The following MACROD2 variants were observed in gnomAD, a reference collection of about 807,000 sequenced individuals.
MACROD2 encodes mono-ADP ribosylhydrolase 2.
MACROD2 carries 36 observed loss-of-function variants against 70.4 expected under a neutral mutation model. That is an observed-to-expected ratio of 0.51 (90% CI 0.39 to 0.68). MACROD2 has a LOEUF of 0.68. MACROD2 is among the 30% of genes least tolerant of loss of function. The probability of loss-of-function intolerance (pLI) is 0.00; values close to 1 mark genes in which losing one functional copy is unlikely to be tolerated. For synonymous variants in MACROD2, 172 were observed against 178.8 expected (o/e 0.96, Z 0.30); for missense variants, 496 against 538.4 (o/e 0.92, Z 0.78).
At chr20:15,952,762 A>G (rs1355939037) in intron 12 of MACROD2, among the ~76,000 whole-genome samples, 1 of 152,064 alleles carries the variant, frequency 6.6e-6, no homozygotes, top group Non-Finnish European at 1.5e-5. Context: ...TCTTCCAGAG[A>G]TGGATGATAT....
rs77207644 is a variant in MACROD2 at position 15,946,647 on chromosome 20, T to C, written c.907+9103T>C. 2.2e-4 allele frequency among the ~76,000 whole-genome samples: 34 copies of C among 152,348 alleles called. No homozygotes were observed. The East Asian group carries it at 4.8e-3, about 22-fold the overall frequency. On this transcript the variant is annotated intron_variant, in intron 12 of 17. Coordinates refer to ENST00000684519, the MANE Select transcript of MACROD2 (RefSeq NM_001351661.2). Reference sequence around the variant, plus strand: ...AGGTACAAAATCTCATTCATTTTTATGTTCTCCACAAAGCTCAATGCAGGG... The same window carrying C: ...AGGTACAAAATCTCATTCATTTTTACGTTCTCCACAAAGCTCAATGCAGGG...
chr20:15,168,958 A>G (rs1320374025), intron 5 of MACROD2, among the ~76,000 whole-genome samples: 1 of 152,194 alleles, frequency 6.6e-6, no homozygotes, highest in East Asian at 1.9e-4. Flanking sequence ...GAGTAGTCAA[A>G]TTAATAGAGG....
intron 6 of MACROD2, among the ~76,000 whole-genome samples, chr20:15,272,637 C>T (rs1197133014): frequency 6.6e-6 from 1 of 151,998 alleles, no homozygotes; most frequent in Non-Finnish European, 1.5e-5. Context: ...ACGCATGTAC[C>T]ATTTACATTT....
chr20:15,945,706 CATCA>C (rs1198540773), intron 12 of MACROD2, among the ~76,000 whole-genome samples: 7 of 152,134 alleles, frequency 4.6e-5, no homozygotes, highest in Non-Finnish European at 7.4e-5. Context: ...TTTAAAAAGT[CATCA>C]GTGTTATTAT....
intron 5 of MACROD2, among the ~76,000 whole-genome samples, chr20:14,764,109 C>G (rs746874714): frequency 6.6e-6 from 1 of 152,050 alleles, no homozygotes; most frequent in Non-Finnish European, 1.5e-5. Context: ...ACCCGACTCC[C>G]TTGCCATTTC....
rs553170240 is a variant in MACROD2, at chr20:15,482,390, T to C, written c.572-17384T>C. Reference sequence around the variant, plus strand: ...AAATTAAAACAACAGAAAGATACCCTTACACACCTATTAGAATGGCCAAAA... The same window carrying C: ...AAATTAAAACAACAGAAAGATACCCCTACACACCTATTAGAATGGCCAAAA... On this transcript the variant is annotated intron_variant, in intron 7 of 17. Transcript: ENST00000684519. Among the ~76,000 whole-genome samples, 5 of 152,242 alleles carry C rather than the reference T, an allele frequency of 3.3e-5. No individual in the cohort carries two copies. In the South Asian group the frequency reaches 1.0e-3, roughly 32 times the overall value.
At chr20:15,574,747 C>T (rs1242705158) in intron 8 of MACROD2, among the ~76,000 whole-genome samples, 2 of 152,150 alleles carry the variant, frequency 1.3e-5, no homozygotes, top group African/African-American at 4.8e-5. Flanking sequence ...TTCAAGGGTC[C>T]ATTCTCAGTA....
intron 5 of MACROD2, among the ~76,000 whole-genome samples, chr20:15,183,408 A>T (rs890727308): frequency 2.6e-5 from 4 of 151,966 alleles, no homozygotes; most frequent in Non-Finnish European, 5.9e-5. Context: ...GCATGGTGGC[A>T]TGCACCTGTA....
chr20:15,833,236 A>G (rs571146857), intron 8 of MACROD2, among the ~76,000 whole-genome samples: 2 of 152,298 alleles, frequency 1.3e-5, no homozygotes, highest in East Asian at 3.9e-4. Flanking sequence ...GAACCCTCAA[A>G]TGAGAATAAT....
chr20:16,009,344 C>T (rs1040758975), intron 15 of MACROD2, among the ~76,000 whole-genome samples: 14 of 152,192 alleles, frequency 9.2e-5, no homozygotes, highest in African/African-American at 2.9e-4. Context: ...TACCCCTACC[C>T]CTCAGCTTAA....
chr20:15,047,442 T>C (rs1476096301), intron 5 of MACROD2, among the ~76,000 whole-genome samples: 2 of 152,162 alleles, frequency 1.3e-5, no homozygotes, highest in African/African-American at 4.8e-5. Context: ...AGGACACTTA[T>C]GGAATTATAT....
At chr20:15,812,508 A>G (rs1379460920) in intron 8 of MACROD2, among the ~76,000 whole-genome samples, 1 of 151,778 alleles carries the variant, frequency 6.6e-6, no homozygotes, top group Non-Finnish European at 1.5e-5. Flanking sequence ...TGGATAAGAT[A>G]TTTCTCCCCC....
chr20:15,542,553 C>T (rs1322915940), intron 8 of MACROD2, among the ~76,000 whole-genome samples: 1 of 152,048 alleles, frequency 6.6e-6, no homozygotes, highest in African/African-American at 2.4e-5. Flanking sequence ...GGAGGTAAGG[C>T]TTCAGTGGCC....
intron 4 of MACROD2, among the ~76,000 whole-genome samples, chr20:14,658,167 C>T (rs908234139): frequency 4.0e-5 from 6 of 151,858 alleles, no homozygotes; most frequent in Non-Finnish European, 8.8e-5. Flanking sequence ...TTGTTGCAAG[C>T]TTATTTAAAA....
chr20:14,174,421 G>A lies in MACROD2; in HGVS notation c.271+88693G>A, dbSNP rs532924887. ...TAGGGGGATTATGGCTTCCTCTGCT[G>A]TAACATGCATGTTTCCAGGGAAGTC... On this transcript the variant is annotated intron_variant, in intron 3 of 17. Transcript: ENST00000684519. Among the ~76,000 whole-genome samples, 93 of 152,178 alleles carry A rather than the reference G, an allele frequency of 6.1e-4. 2 individuals carry two copies. Among genetic ancestry groups the A allele is most frequent in the African/African-American group, 2.0e-3 (81 of 41,512 alleles).
chr20:15,915,428 A>G (rs1476297784), intron 10 of MACROD2, among the ~76,000 whole-genome samples: 1 of 152,236 alleles, frequency 6.6e-6, no homozygotes, highest in East Asian at 1.9e-4. Flanking sequence ...TAGGATGAAG[A>G]CTAAATATAT....
chr20:14,937,642 A>G (rs2074352239), intron 5 of MACROD2, among the ~76,000 whole-genome samples: 1 of 152,082 alleles, frequency 6.6e-6, no homozygotes, highest in Non-Finnish European at 1.5e-5. Context: ...ATTGGGATAT[A>G]TATATGTATA....
intron 5 of MACROD2, among the ~76,000 whole-genome samples, chr20:15,184,196 G>T (rs1764653448): frequency 1.3e-5 from 2 of 152,158 alleles, no homozygotes; most frequent in Non-Finnish European, 2.9e-5. Flanking sequence ...TTGGGCCCAT[G>T]AGCTTACTGC....
At chr20:14,876,449 T>G (rs766845100) in intron 5 of MACROD2, among the ~76,000 whole-genome samples, 1 of 152,196 alleles carries the variant, frequency 6.6e-6, no homozygotes, top group Non-Finnish European at 1.5e-5. Flanking sequence ...CCTCTTTTGT[T>G]GTGCAGAGGT....
Sources: gnomAD v4.1 joint callset for allele counts (sites outside exome capture counted in the v4.1 genomes callset) on GRCh38, gnomAD v4.1.1 for gene constraint, MANE v1.5 for transcripts, NCBI Gene and HGNC (gene_info 2026-07-23, HGNC 2026-07-21) for gene names.